Variants in TTC28 observed in about 807,000 individuals in gnomAD.
TTC28 encodes tetratricopeptide repeat protein 28.
Under a neutral mutation model 198.0 loss-of-function variants are expected in TTC28, and 61 were observed. The observed-to-expected ratio is 0.31, with a 90% confidence interval of 0.25 to 0.38. The LOEUF (loss-of-function observed/expected upper bound fraction) is 0.38, where lower values mean the gene tolerates loss of function less well. TTC28 is among the 10% of genes least tolerant of loss of function. The pLI, the probability that TTC28 is intolerant of heterozygous loss-of-function variation, is 1.00. For synonymous variants in TTC28, 1,171 were observed against 1,297.8 expected, an observed-to-expected ratio of 0.90 and a Z score of 2.10; for missense variants, 2,678 against 3,164.0, an observed-to-expected ratio of 0.85 and a Z score of 3.69.
intron 5 of TTC28, among the ~76,000 whole-genome samples, chr22:28,265,105 AAAG>A (rs1931596678): frequency 6.6e-6 from 1 of 152,232 alleles, no homozygotes; most frequent in Non-Finnish European, 1.5e-5. Flanking sequence ...CTGGAAGAAT[AAAG>A]AATAAATGAC....
At chr22:28,131,045 C>T (rs1025783088) in intron 6 of TTC28, among the ~76,000 whole-genome samples, 3 of 152,184 alleles carry the variant, frequency 2.0e-5, no homozygotes, top group Non-Finnish European at 4.4e-5. Context: ...TGGCAATAGC[C>T]AGGGTAGCCA....
intron 2 of TTC28, among the ~76,000 whole-genome samples, chr22:28,587,027 G>C (rs1281351319): frequency 6.6e-6 from 1 of 152,108 alleles, no homozygotes; most frequent in African/African-American, 2.4e-5. Flanking sequence ...TTCAAGACCA[G>C]CCTGGCCAAC....
At chr22:28,309,352 G>C (rs373676438) in intron 2 of TTC28, among the ~76,000 whole-genome samples, 2 of 152,000 alleles carry the variant, frequency 1.3e-5, no homozygotes, top group South Asian at 4.2e-4. Context: ...CTATATAATT[G>C]AGAATTCTCA....
chr22:28,416,188 A>T (rs2047165601), intron 2 of TTC28, among the ~76,000 whole-genome samples: 1 of 152,224 alleles, frequency 6.6e-6, no homozygotes, highest in Non-Finnish European at 1.5e-5. Flanking sequence ...AGTACATTCA[A>T]GAGTCTTATG....
In TTC28 at chr22:28,105,485, G is replaced by T; in HGVS notation, c.3101C>A (p.Thr1034Lys). 6.4e-7 allele frequency: 1 copy of T among 1,551,670 alleles called. No homozygotes were observed. The highest frequency in any genetic ancestry group is 8.7e-7 in the Non-Finnish European group (1 of 1,146,988). Reference protein sequence around the residue: ...LQIAEETNNPTCQGRAYGNLG... With the variant: ...LQIAEETNNPKCQGRAYGNLG... ...GTTCCCATAGGCTCGGCCCTGGCAC[G>T]TGGGGTTGTTGGTTTCCTCTGCTAT... Residue 1034 changes from threonine (T) to lysine (K), a missense_variant, in exon 8 of 23, where the codon ACG becomes AAG. This residue lies in a region of TTC28 where 727 missense variants were observed against 861.9 expected (regional missense o/e 0.84). Transcript: ENST00000397906.
At chr22:28,087,148 C>T (rs1286315792) in intron 12 of TTC28, among the ~76,000 whole-genome samples, 2 of 152,116 alleles carry the variant, frequency 1.3e-5, no homozygotes, top group Admixed American at 6.6e-5. Context: ...GGAATCCTCC[C>T]TAACTCATTT....
chr22:27,991,409 C>T (rs1330577932), intron 19 of TTC28, among the ~76,000 whole-genome samples: 6 of 152,254 alleles, frequency 3.9e-5, no homozygotes, highest in East Asian at 1.9e-4. Context: ...TGCTATTCAA[C>T]GAGCAGGCGT....
At chr22:28,621,568 TA>T (rs900194538) in intron 2 of TTC28, among the ~76,000 whole-genome samples, 13 of 147,918 alleles carry the variant, frequency 8.8e-5, no homozygotes, top group Admixed American at 2.7e-4. Flanking sequence ...ATAATAATAA[TA>T]AAAAAAATAA....
chr22:28,365,250 C>T (rs528402108), intron 2 of TTC28, among the ~76,000 whole-genome samples: 4 of 152,162 alleles, frequency 2.6e-5, no homozygotes, highest in Non-Finnish European at 5.9e-5. Context: ...TTTAGACATA[C>T]TTTTGCACAC....
intron 15 of TTC28, 121 bp downstream of exon 15, chr22:28,001,253 A>G: frequency 2.3e-6 from 3 of 1,293,570 alleles, no homozygotes; most frequent in Non-Finnish European, 3.1e-6. Context: ...AAATCATAAA[A>G]TCAACACTTT....
chr22:28,348,243 C>T (rs956044251), intron 2 of TTC28, among the ~76,000 whole-genome samples: 1 of 152,200 alleles, frequency 6.6e-6, no homozygotes, highest in Non-Finnish European at 1.5e-5. Flanking sequence ...ATAGGAGATG[C>T]AGCTCCAGCC....
chr22:28,480,080 G>T (rs2048223300), intron 2 of TTC28, among the ~76,000 whole-genome samples: 1 of 152,150 alleles, frequency 6.6e-6, no homozygotes, highest in African/African-American at 2.4e-5. Context: ...CCAAATGGGG[G>T]TTATCAACAT....
chr22:28,036,144 A>G (rs1477967360), intron 12 of TTC28, among the ~76,000 whole-genome samples: 1 of 152,224 alleles, frequency 6.6e-6, no homozygotes, highest in Non-Finnish European at 1.5e-5. Flanking sequence ...AGTGGACCTA[A>G]TAGACATCTA....
chr22:28,285,077 T>C (rs148121590), intron 5 of TTC28, among the ~76,000 whole-genome samples: 109 of 152,324 alleles, frequency 7.2e-4, no homozygotes, highest in African/African-American at 2.4e-3. Context: ...AGCCAAGATA[T>C]GGAAACAACC....
intron 2 of TTC28, among the ~76,000 whole-genome samples, chr22:28,439,201 G>A (rs1164938523): frequency 1.3e-5 from 2 of 152,162 alleles, no homozygotes; most frequent in Non-Finnish European, 2.9e-5. Flanking sequence ...TAATGAGGAG[G>A]CAAGATATAT....
At chr22:28,299,752 C>A (rs1224350949) in intron 3 of TTC28, among the ~76,000 whole-genome samples, 1 of 152,116 alleles carries the variant, frequency 6.6e-6, no homozygotes, top group African/African-American at 2.4e-5. Flanking sequence ...AATGAAGAAT[C>A]TGAGTATTTA....
chr22:28,084,943 T>C (rs1601601279), intron 12 of TTC28, among the ~76,000 whole-genome samples: 1 of 151,390 alleles, frequency 6.6e-6, no homozygotes, highest in African/African-American at 2.4e-5. Context: ...AAATGAAACG[T>C]GAAGAGAAGT....
At chr22:28,591,036 CACACATATATAT>C (rs1384325416) in intron 2 of TTC28, among the ~76,000 whole-genome samples, 162 of 29,226 alleles carry the variant, frequency 5.5e-3, no homozygotes, top group Middle Eastern at 0.019. Context: ...CACACACACA[CACACATATATAT>C]ATATATATAT....
chr22:28,397,833 C>A (rs896397120), intron 2 of TTC28, among the ~76,000 whole-genome samples: 5 of 152,180 alleles, frequency 3.3e-5, no homozygotes, highest in African/African-American at 1.2e-4. Flanking sequence ...CAAAGGAAAT[C>A]CAGATCATAT....
Sources: allele counts gnomAD v4.1 joint callset (sites outside exome capture counted in the v4.1 genomes callset), GRCh38; gene constraint gnomAD v4.1.1; regional missense constraint gnomAD v4.1.1; transcripts MANE v1.5; gene names NCBI Gene and HGNC (gene_info 2026-07-23, HGNC 2026-07-21).